Variants in DYNC1LI2 observed in about 807,000 individuals in gnomAD.
DYNC1LI2 encodes the protein cytoplasmic dynein 1 light intermediate chain 2.
DYNC1LI2 carries 19 observed loss-of-function variants against 57.8 expected under a neutral mutation model. The observed-to-expected ratio is 0.33, with a 90% CI of 0.23 to 0.48. The LOEUF is 0.48. Among genes scored for constraint, DYNC1LI2 ranks in the 20% least tolerant of loss-of-function variants. The pLI, the probability that DYNC1LI2 is intolerant of heterozygous loss-of-function variation, is 0.99. For synonymous variants in DYNC1LI2, 256 were observed against 233.4 expected (o/e 1.10, Z -0.88); for missense variants, 470 against 604.2 (o/e 0.78, Z 2.33).
rs1400182238 is a variant in DYNC1LI2, at chr16:66,727,711, T to C, written c.1238A>G (p.Lys413Arg). 1 of 1,614,086 alleles carries C rather than the reference T, an allele frequency of 6.2e-7. No individual in the cohort carries two copies. The highest frequency in any genetic ancestry group is 1.1e-5 in the South Asian group (1 of 91,082). ...ACTTTTGATGTTTGGGTCCGGCTTT[T>C]TTACTGACGTGCCTGGGGAGGAGCT... ...VPSSSPGTSV[K>R]KPDPNIKNNA... Residue 413 changes from lysine (K) to arginine (R), a missense_variant, in exon 11 of 13, where the codon AAA becomes AGA. Lys to Arg is a conservative substitution (Grantham distance 26). Transcript: ENST00000258198.
chr16:66,729,571 GTTTT>G (rs11310483), intron 8 of DYNC1LI2, among the ~76,000 whole-genome samples: 5 of 93,706 alleles, frequency 5.3e-5, no homozygotes, highest in African/African-American at 9.4e-5. Context: ...TTTCTTTATA[GTTTT>G]TTTTTTTTTT....
rs931185454 is a variant in DYNC1LI2 at position 66,723,455 on chromosome 16, C to T, written c.*267G>A. On this transcript the variant is annotated 3_prime_UTR_variant, in exon 13 of 13. Transcript: ENST00000258198. Reference sequence around the variant, plus strand: ...TTCTTTCACTCTACCTTCCCCTCCACAAGAAGCCCAGATGTGCTTGCCTCC... The same window carrying T: ...TTCTTTCACTCTACCTTCCCCTCCATAAGAAGCCCAGATGTGCTTGCCTCC... 1 of 568,460 alleles carries T rather than the reference C, an allele frequency of 1.8e-6. No homozygotes were observed. The highest frequency in any genetic ancestry group is 3.3e-6 in the Non-Finnish European group (1 of 301,030). 35.2% of individuals were successfully genotyped at this position (568,460 alleles called of 1,614,324 possible). A position where few individuals can be genotyped will look rare whatever the true frequency, so the allele number is the denominator to read the frequency against.
chr16:66,729,246 G>T, intron 8 of DYNC1LI2, 147 bp from the exon 9 acceptor site: 1 of 934,328 alleles, frequency 1.1e-6, no homozygotes, highest in Non-Finnish European at 1.7e-6. Flanking sequence ...TATTTTTCTA[G>T]CCTGGCACAG....
chr16:66,746,083 T>C (rs891098693), intron 3 of DYNC1LI2, among the ~76,000 whole-genome samples: 3 of 152,160 alleles, frequency 2.0e-5, no homozygotes, highest in African/African-American at 7.2e-5. Context: ...AATCTAGCAA[T>C]ACTTTCAAAT....
At chr16:66,738,237 G>C (rs1434316211) in intron 4 of DYNC1LI2, 1 of 137,884 alleles carries the variant, frequency 7.3e-6, no homozygotes, top group Non-Finnish European at 1.5e-5. Flanking sequence ...CATCTCTACA[G>C]CTTCTTTTTT....
At chr16:66,742,319 T>C in intron 4 of DYNC1LI2, 119 bp downstream of exon 4, 1 of 994,166 alleles carries the variant, frequency 1.0e-6, no homozygotes, top group East Asian at 2.6e-5. Context: ...AAATAAATGG[T>C]GCAAACAAAA....
chr16:66,743,433 C>T (rs1475308367), intron 3 of DYNC1LI2, among the ~76,000 whole-genome samples: 2 of 151,562 alleles, frequency 1.3e-5, no homozygotes, highest in Non-Finnish European at 1.5e-5. Flanking sequence ...TGGTGGCAGG[C>T]GCCTGTAATC....
At chr16:66,735,884 C>T (rs7192244) in intron 5 of DYNC1LI2, among the ~76,000 whole-genome samples, 191 bp downstream of exon 5, 18,239 of 152,192 alleles carry the variant, frequency 0.12, 2,080 homozygotes, top group African/African-American at 0.3. Context: ...ACTGACTAGT[C>T]ATGTTTCCTG....
Position 66,721,435 on chromosome 16 carries a change from C to T in DYNC1LI2, c.*2287G>A, listed in dbSNP as rs1006295915. 1 of 152,510 alleles carries T rather than the reference C, an allele frequency of 6.6e-6. No homozygotes were observed. Among genetic ancestry groups the T allele is most frequent in the African/African-American group, 2.4e-5 (1 of 41,398 alleles). 9.4% of individuals were successfully genotyped at this position (152,510 alleles called of 1,614,324 possible). A position where few individuals can be genotyped will look rare whatever the true frequency, so the allele number is the denominator to read the frequency against. On this transcript the variant is annotated 3_prime_UTR_variant, in exon 13 of 13. Coordinates refer to ENST00000258198, the MANE Select transcript of DYNC1LI2 (RefSeq NM_006141.3). ...CAGTCTACCATACAAGTGTACTCTG[C>T]AAATAAAATGAATTTTACTTTAAAA...
rs748971013 is a variant in DYNC1LI2 at position 66,725,858 on chromosome 16, C to T, written c.1348G>A (p.Gly450Ser). 6.2e-7 allele frequency: 1 copy of T among 1,614,156 alleles called. No individual in the cohort carries two copies. Among genetic ancestry groups the T allele is most frequent in the East Asian group, 2.2e-5 (1 of 44,878 alleles). The change falls in exon 12 of 13, where the codon GGT becomes AGT. Residue 450 changes from glycine (G) to serine (S), a missense_variant. Coordinates refer to ENST00000258198, the MANE Select transcript of DYNC1LI2 (RefSeq NM_006141.3). ...TTCTTGGCTGTGCTCTGCACCCCAC[C>T]AGCACCAGGACTTCCAGGAGAGCCT... is the stretch of plus-strand genomic sequence containing the variant. Reference protein sequence around the residue: ...KTGSPGSPGAGGVQSTAKKSG... With the variant: ...KTGSPGSPGASGVQSTAKKSG...
intron 11 of DYNC1LI2, 91 bp from the exon 12 acceptor site, chr16:66,726,035 G>A: frequency 7.6e-7 from 1 of 1,311,352 alleles, no homozygotes. Context: ...TTAGCCACTT[G>A]TGGCTATCAG....
chr16:66,739,360 T>C (rs1158788352), intron 4 of DYNC1LI2: 1 of 152,238 alleles, frequency 6.6e-6, no homozygotes, highest in Non-Finnish European at 1.5e-5. Context: ...CCTAGATTAT[T>C]CACGCTCTAA....
At chr16:66,749,439 G>T in intron 2 of DYNC1LI2, 126 bp from the exon 3 acceptor site, 1 of 941,222 alleles carries the variant, frequency 1.1e-6, no homozygotes, top group Non-Finnish European at 1.7e-6. Flanking sequence ...AGTCTCACCT[G>T]CTTTCATAAA....
Position 66,749,202 on chromosome 16 carries a change from C to T in DYNC1LI2, c.293G>A (p.Arg98Gln), listed in dbSNP as rs761143885. 3 of 1,614,072 alleles carry T rather than the reference C, an allele frequency of 1.9e-6. No individual in the cohort carries two copies. Among genetic ancestry groups the T allele is most frequent in the South Asian group, 1.1e-5 (1 of 91,084 alleles). ...YLYLSVHDED[R>Q]DDHTRCNVWI... ...GGGACCAATGCTTCACTCACCATCT[C>T]GGTCCTCATCATGGACACTGAGGTA... Residue 98 changes from arginine to glutamine, a missense_variant, in exon 3 of 13, where the codon CGA becomes CAA. Coordinates refer to ENST00000258198, the MANE Select transcript of DYNC1LI2 (RefSeq NM_006141.3).
rs1468863134 is a variant in DYNC1LI2, at chr16:66,721,303, C to T, written c.*2419G>A. 6.6e-6 allele frequency: 1 copy of T among 152,332 alleles called. No individual in the cohort carries two copies. Among genetic ancestry groups the T allele is most frequent in the Non-Finnish European group, 1.5e-5 (1 of 67,988 alleles). 9.4% of individuals were successfully genotyped at this position (152,332 alleles called of 1,614,324 possible). ...ACCAATTCTTGGCTGTTATCTTCAG[C>T]CACGTATTCAAAGGTGGGCTTTTCT... On this transcript the variant is annotated 3_prime_UTR_variant, in exon 13 of 13. Coordinates refer to ENST00000258198, the MANE Select transcript of DYNC1LI2 (RefSeq NM_006141.3).
In DYNC1LI2 at chr16:66,726,007, C is replaced by T. The variant is rs2017530893; in HGVS notation, c.1262-63G>A. ...ACTGGAAGACTTAAAATTAAACACCCTAGTTCTCAGCTTGGCATTAGCCAC... is the reference window on the plus strand; with the variant it reads ...ACTGGAAGACTTAAAATTAAACACCTTAGTTCTCAGCTTGGCATTAGCCAC... On this transcript the variant is annotated intron_variant, in intron 11 of 12. Transcript: ENST00000258198. 2.6e-6 allele frequency: 4 copies of T among 1,549,276 alleles called. No homozygotes were observed. The Admixed American group carries it at 5.8e-5, about 22-fold the overall frequency.
chr16:66,727,832 A>G (rs751110569), intron 10 of DYNC1LI2, 27 bp from the exon 11 acceptor site: 2 of 1,580,358 alleles, frequency 1.3e-6, no homozygotes, highest in Admixed American at 1.8e-5. Flanking sequence ...CTAAGGTCAC[A>G]CACAGGCATA....
At chr16:66,732,756 T>C (rs1377180692) in intron 6 of DYNC1LI2, 1 of 261,292 alleles carries the variant, frequency 3.8e-6, no homozygotes, top group Non-Finnish European at 7.1e-6. Flanking sequence ...TAGAGTTTAT[T>C]TTTTAACGTG....
intron 6 of DYNC1LI2, 48 bp downstream of exon 6, chr16:66,734,170 T>A (rs202064326): frequency 4.4e-6 from 7 of 1,588,664 alleles, no homozygotes; most frequent in Non-Finnish European, 6.0e-6. Flanking sequence ...GATGCCCCAT[T>A]TGGAAGAAAG....
Sources: gnomAD v4.1 joint callset for allele counts (sites outside exome capture counted in the v4.1 genomes callset) on GRCh38, gnomAD v4.1.1 for gene constraint, MANE v1.5 for transcripts, NCBI Gene and HGNC (gene_info 2026-07-23, HGNC 2026-07-21) for gene names.